Variants in PLEKHG1 observed in about 807,000 individuals in gnomAD.
The protein encoded by PLEKHG1 is pleckstrin homology and RhoGEF domain containing G1.
PLEKHG1 carries 44 observed loss-of-function variants against 100.8 expected under a neutral mutation model. That is an observed-to-expected ratio of 0.44 (90% confidence interval 0.34 to 0.56). The LOEUF (loss-of-function observed/expected upper bound fraction) is 0.56, where lower values mean the gene tolerates loss of function less well. PLEKHG1 is among the 20% of genes least tolerant of loss of function. The probability of loss-of-function intolerance (pLI) is 0.01; values close to 1 mark genes in which losing one functional copy is unlikely to be tolerated. For synonymous variants in PLEKHG1, 640 were observed against 662.5 expected (o/e 0.97, Z 0.52); for missense variants, 1,545 against 1,720.9 (o/e 0.90, Z 1.81).
At position 150,617,002 on chromosome 6, in the gene PLEKHG1, G is replaced by A. The variant is rs371480552; in HGVS notation, c.-204+16985G>A. On this transcript the variant is annotated intron_variant, in intron 1 of 3. Transcript: ENST00000367326. ...AGATTAAAAAGAAAATCAAGAACTT[G>A]GAATATAATGATTTTTACCAACATT... Among the ~76,000 whole-genome samples, 180 of 152,280 alleles carry A rather than the reference G, an allele frequency of 1.2e-3. 2 individuals carry two copies. The South Asian group carries it at 0.03, about 25-fold the overall frequency.
intron 3 of PLEKHG1, among the ~76,000 whole-genome samples, chr6:150,674,711 C>T (rs1002325072): frequency 3.9e-4 from 55 of 141,574 alleles, no homozygotes; most frequent in African/African-American, 1.4e-3. Context: ...TCCATGGAGT[C>T]TCGCTCTGTC....
rs1403540530 is a variant in PLEKHG1 at position 150,674,628 on chromosome 6, CCTCCCTCTCTCTCT to C, written c.-99+23846_-99+23859del. Among the ~76,000 whole-genome samples, 21 of 51,846 alleles carry C rather than the reference CCTCCCTCTCTCTCT, an allele frequency of 4.1e-4. 1 individual carries two copies. The highest frequency in any genetic ancestry group is 6.2e-4 in the Non-Finnish European group (16 of 25,724). The allele number at this position is 51,846 out of a possible 152,430, so 34.0% of individuals were successfully genotyped here. On this transcript the variant is annotated intron_variant, in intron 3 of 3. Coordinates refer to the PLEKHG1 transcript ENST00000367326. ...ATTACACCTGTAACTTTCTCTCTCT[CCTCCCTCTCTCTCT>C]CTCTCTCTCTCTCTCTCTCTCTCTC...
intron 2 of PLEKHG1, among the ~76,000 whole-genome samples, chr6:150,650,165 A>C (rs1778669690): frequency 6.6e-6 from 1 of 152,108 alleles, no homozygotes; most frequent in Admixed American, 6.6e-5. Flanking sequence ...TCGACCCCTC[A>C]ACTCTCTTGC....
intron 2 of PLEKHG1, among the ~76,000 whole-genome samples, chr6:150,645,499 C>T (rs908576890): frequency 2.6e-5 from 4 of 151,926 alleles, no homozygotes; most frequent in Non-Finnish European, 5.9e-5. Flanking sequence ...AATCATAATC[C>T]ATAACAGACC....
exon 2 of PLEKHG1, chr6:150,734,015 C>A: frequency 6.2e-7 from 1 of 1,614,180 alleles, no homozygotes; most frequent in Non-Finnish European, 8.5e-7. Context: ...CCCCAAGCTC[C>A]TCTATGTGGA....
At chr6:150,804,175 ATT>A (rs1554276244) in intron 6 of PLEKHG1, among the ~76,000 whole-genome samples, 3 of 43,170 alleles carry the variant, frequency 6.9e-5, no homozygotes, top group African/African-American at 2.0e-4. Flanking sequence ...ATATATATAT[ATT>A]TTTTTTTTTT....
chr6:150,694,066 A>C (rs887648409), intron 3 of PLEKHG1, among the ~76,000 whole-genome samples: 1 of 152,252 alleles, frequency 6.6e-6, no homozygotes, highest in Admixed American at 6.5e-5. Context: ...TGATCCATTC[A>C]AAGACAGGCA....
intron 3 of PLEKHG1, among the ~76,000 whole-genome samples, chr6:150,678,208 C>A (rs1197849437): frequency 6.6e-6 from 1 of 151,222 alleles, no homozygotes; most frequent in Non-Finnish European, 1.5e-5. Context: ...ACTACAGTCA[C>A]CATGCTGTGT....
chr6:150,797,043 T>C (rs1473067168), intron 5 of PLEKHG1, among the ~76,000 whole-genome samples: 1 of 151,958 alleles, frequency 6.6e-6, no homozygotes, highest in African/African-American at 2.4e-5. Context: ...CAGGCTGGAG[T>C]GCAGTGGCGC....
At chr6:150,691,554 G>A (rs111461480) in intron 3 of PLEKHG1, among the ~76,000 whole-genome samples, 1 of 152,118 alleles carries the variant, frequency 6.6e-6, no homozygotes, top group Non-Finnish European at 1.5e-5. Flanking sequence ...TCTGTCTGTA[G>A]AGCTGTACAC....
At chr6:150,717,088 G>A (rs1201977096), upstream of PLEKHG1, among the ~76,000 whole-genome samples, 1 of 152,232 alleles carries the variant, frequency 6.6e-6, no homozygotes, top group East Asian at 1.9e-4. Context: ...CTGGAGTGCA[G>A]TGGTGCAGTT....
rs1287460784 is a variant in PLEKHG1 at position 150,711,494 on chromosome 6, T to G, written c.-98-22090T>G. On this transcript the variant is annotated intron_variant, in intron 3 of 3. Coordinates refer to the PLEKHG1 transcript ENST00000367326. ...GTCTTTAAAGAACTCCAGGGTATGATCGATGATTTGTGCAGGGATGGGATG... is the reference window on the plus strand; with the variant it reads ...GTCTTTAAAGAACTCCAGGGTATGAGCGATGATTTGTGCAGGGATGGGATG... Among the ~76,000 whole-genome samples, 3 of 152,304 alleles carry G rather than the reference T, an allele frequency of 2.0e-5. No homozygotes were observed. In the East Asian group the frequency reaches 5.8e-4, roughly 29 times the overall value.
At chr6:150,705,337 T>C (rs944477024) in intron 3 of PLEKHG1, among the ~76,000 whole-genome samples, 11 of 152,220 alleles carry the variant, frequency 7.2e-5, no homozygotes, top group African/African-American at 2.7e-4. Flanking sequence ...AGGGAAACTT[T>C]TAAAAAATAA....
chr6:150,830,865 C>A, exon 15 of PLEKHG1: 1 of 1,614,172 alleles, frequency 6.2e-7, no homozygotes, highest in South Asian at 1.1e-5. Flanking sequence ...TCTAGTCGCC[C>A]TTGCAGCTGG....
intron 1 of PLEKHG1, among the ~76,000 whole-genome samples, chr6:150,721,551 C>T (rs1007208009): frequency 6.6e-6 from 1 of 152,174 alleles, no homozygotes; most frequent in Non-Finnish European, 1.5e-5. Context: ...CCTCAGTTGT[C>T]ACGCGCCGAA....
intron 1 of PLEKHG1, among the ~76,000 whole-genome samples, chr6:150,601,688 GCAGTCCA>G (rs1776364226): frequency 6.6e-6 from 1 of 152,176 alleles, no homozygotes; most frequent in Non-Finnish European, 1.5e-5. Flanking sequence ...GTCATCAGTA[GCAGTCCA>G]CAGTCAACAG....
intron 14 of PLEKHG1, chr6:150,828,127 T>C: frequency 6.2e-7 from 1 of 1,613,492 alleles, no homozygotes; most frequent in Non-Finnish European, 8.5e-7. Flanking sequence ...ACAACCTGCA[T>C]ACCCAATTAT....
At chr6:150,705,298 A>G (rs561110312) in intron 3 of PLEKHG1, among the ~76,000 whole-genome samples, 3 of 152,272 alleles carry the variant, frequency 2.0e-5, no homozygotes, top group Non-Finnish European at 4.4e-5. Flanking sequence ...ACTCATTTTT[A>G]TAAGCTGTAA....
chr6:150,741,490 C>G (rs180963783), intron 2 of PLEKHG1, among the ~76,000 whole-genome samples: 10 of 152,300 alleles, frequency 6.6e-5, no homozygotes, highest in Admixed American at 5.9e-4. Flanking sequence ...TAGATAGACG[C>G]CTCAATAATA....
Sources: gnomAD v4.1 joint callset for allele counts (sites outside exome capture counted in the v4.1 genomes callset) on GRCh38, gnomAD v4.1.1 for gene constraint, MANE v1.5 for transcripts, NCBI Gene and HGNC (gene_info 2026-07-23, HGNC 2026-07-21) for gene names.